Variants in ZBTB7A observed in about 807,000 individuals in gnomAD.
The protein encoded by ZBTB7A is zinc finger and BTB domain-containing protein 7A.
ZBTB7A carries 7 observed loss-of-function variants against 26.7 expected under a neutral mutation model. That is an observed-to-expected ratio of 0.26 (90% CI 0.15 to 0.49). ZBTB7A has a LOEUF of 0.49. ZBTB7A is among the 20% of genes least tolerant of loss of function. The pLI, the probability that ZBTB7A is intolerant of heterozygous loss-of-function variation, is 0.98. For missense variants in ZBTB7A, 617 were observed against 919.5 expected (o/e 0.67, Z 4.25); for synonymous variants, 452 against 441.0 (o/e 1.02, Z -0.31).
intron 1 of ZBTB7A, among the ~76,000 whole-genome samples, chr19:4,058,547 C>A (rs959748371): frequency 6.6e-6 from 1 of 152,186 alleles, no homozygotes; most frequent in African/African-American, 2.4e-5. Context: ...GAGCCCCTGG[C>A]GGCCCCGAGT....
At chr19:4,055,553 T>G (rs1405637992) in intron 1 of ZBTB7A, 2 of 876,972 alleles carry the variant, frequency 2.3e-6, no homozygotes, top group Non-Finnish European at 2.7e-6. Flanking sequence ...CCTGGCGCGG[T>G]GGCTCACGCC....
In ZBTB7A at chr19:4,043,733, C is replaced by A. The variant is rs1176837868; in HGVS notation, c.*4019G>T. Among the ~76,000 whole-genome samples the A allele has an allele frequency of 4.2e-5, 5 of 118,096 alleles. No homozygotes were observed. The highest frequency in any genetic ancestry group is 6.9e-5 in the Non-Finnish European group (4 of 57,824). The allele number at this position is 118,096 out of a possible 152,430, so 77.5% of individuals were successfully genotyped here. A position where few individuals can be genotyped will look rare whatever the true frequency, so the allele number is the denominator to read the frequency against. On this transcript the variant is annotated 3_prime_UTR_variant, in exon 3 of 3. Transcript: ENST00000322357. ...CCCCTGGGCCCGGCCCCCCCCCCCCCCCCCCGTAAATCTATGTATTTAATG... is the reference window on the plus strand; with the variant it reads ...CCCCTGGGCCCGGCCCCCCCCCCCCACCCCCGTAAATCTATGTATTTAATG...
In ZBTB7A at chr19:4,047,705, C is replaced by T. The variant is rs767315685; in HGVS notation, c.*47G>A. The T allele has an allele frequency of 9.1e-6, 14 of 1,538,468 alleles. No individual in the cohort carries two copies. Among genetic ancestry groups the T allele is most frequent in the Admixed American group, 4.3e-5 (2 of 46,416 alleles). ...GGGTGGTGGGTGATTTTTTTTCTCT[C>T]TCTCTGTCTCTCTCTTTCTCGGGTT... is the stretch of plus-strand genomic sequence containing the variant. On this transcript the variant is annotated 3_prime_UTR_variant, in exon 3 of 3. Transcript: ENST00000322357.
intron 1 of ZBTB7A, among the ~76,000 whole-genome samples, chr19:4,063,625 C>T (rs1431468059): frequency 6.6e-6 from 1 of 152,186 alleles, no homozygotes. Context: ...CTCGGTGACA[C>T]TCCATTTGCA....
At position 4,043,844 on chromosome 19, in the gene ZBTB7A, AC is replaced by A. The variant is rs1260802263; in HGVS notation, c.*3907del. Among the ~76,000 whole-genome samples, 29,149 of 48,058 alleles carry A rather than the reference AC, an allele frequency of 0.61. 7,941 individuals are homozygous for A. The highest frequency in any genetic ancestry group is 0.74 in the Middle Eastern group (53 of 72). 31.5% of individuals were successfully genotyped at this position (48,058 alleles called of 152,430 possible). ...ACCCGTCCTGCGCCAGCCACCCACC[AC>A]CCCCCCCCCCCCACCTCCAGGAAGG... On this transcript the variant is annotated 3_prime_UTR_variant, in exon 3 of 3. Transcript: ENST00000322357.
At chr19:4,049,166 GTGTATATATATATATATATATATATA>G (rs1165784631) in intron 2 of ZBTB7A, among the ~76,000 whole-genome samples, 2 of 13,476 alleles carry the variant, frequency 1.5e-4, no homozygotes, top group African/African-American at 2.1e-4. Context: ...GTGTGTGTGT[GTGTATATATATATATATATATATATA>G]TATATATATA....
chr19:4,049,638 T>G (rs1224943055), intron 2 of ZBTB7A, among the ~76,000 whole-genome samples: 1 of 152,042 alleles, frequency 6.6e-6, no homozygotes, highest in Non-Finnish European at 1.5e-5. Context: ...AACCCCTCTG[T>G]CCGGGACAAA....
rs1451105348 is a variant in ZBTB7A at position 4,046,874 on chromosome 19, G to A, written c.*878C>T. 2 of 150,432 alleles carry A rather than the reference G, an allele frequency of 1.3e-5. No individual in the cohort carries two copies. Among genetic ancestry groups the A allele is most frequent in the African/African-American group, 4.9e-5 (2 of 40,918 alleles). The allele number at this position is 150,432 out of a possible 1,614,324, so 9.3% of individuals were successfully genotyped here. ...TTTGGGAGAGGGGGCTCGGGGGAGAGGACGAAGACAGAAGTTTTGAATCTC... is the reference window on the plus strand; with the variant it reads ...TTTGGGAGAGGGGGCTCGGGGGAGAAGACGAAGACAGAAGTTTTGAATCTC... On this transcript the variant is annotated 3_prime_UTR_variant, in exon 3 of 3. Coordinates refer to ENST00000322357, the MANE Select transcript of ZBTB7A (RefSeq NM_015898.4).
rs769037143 is a variant in ZBTB7A, at chr19:4,055,032, G to C, written c.201C>G (p.Ala67=). The change falls in exon 2 of 3, where the codon GCC becomes GCG. Residue 67 remains alanine (A), a synonymous_variant. Coordinates refer to ENST00000322357, the MANE Select transcript of ZBTB7A (RefSeq NM_015898.4). ...QYFKKLFTSG[A]VVDQQNVYEI... The stretch of plus-strand genomic sequence containing the variant: ...CGTACACGTTCTGCTGGTCCACCAC[G>C]GCGCCCGACGTGAACAGCTTCTTGA... The C allele has an allele frequency of 7.5e-6, 12 of 1,610,554 alleles. No homozygotes were observed. The highest frequency in any genetic ancestry group is 9.3e-6 in the Non-Finnish European group (11 of 1,178,772).
intron 2 of ZBTB7A, 73 bp downstream of exon 2, chr19:4,053,898 G>A: frequency 6.7e-7 from 1 of 1,484,522 alleles, no homozygotes; most frequent in East Asian, 2.4e-5. Context: ...AGGGAGAGAG[G>A]CGGGAGGGGT....
At position 4,045,839 on chromosome 19, in the gene ZBTB7A, G is replaced by C; in HGVS notation, c.*1913C>G. 1 of 398,842 alleles carries C rather than the reference G, an allele frequency of 2.5e-6. No individual in the cohort carries two copies. The highest frequency in any genetic ancestry group is 4.4e-6 in the Non-Finnish European group (1 of 226,096). 24.7% of individuals were successfully genotyped at this position (398,842 alleles called of 1,614,324 possible). On this transcript the variant is annotated 3_prime_UTR_variant, in exon 3 of 3. Transcript: ENST00000322357. The surrounding 1 kb of genome is among the most constrained non-coding windows in gnomAD (Gnocchi z 4.1). ...CCTTGTGGGAGCCAGAGGTTGGGGG[G>C]AGGCAGGTCCCAGTCCCCCTGGATT...
chr19:4,044,363 A>C lies in ZBTB7A; in HGVS notation c.*3389T>G, dbSNP rs1403789195. ...CACTGGTTTATAATTTTTTTTTTTCATTTTTAAAAACTTTTTTGACTTTTT... is the reference window on the plus strand; with the variant it reads ...CACTGGTTTATAATTTTTTTTTTTCCTTTTTAAAAACTTTTTTGACTTTTT... On this transcript the variant is annotated 3_prime_UTR_variant, in exon 3 of 3. Coordinates refer to ENST00000322357, the MANE Select transcript of ZBTB7A (RefSeq NM_015898.4). 1 of 140,058 alleles carries C rather than the reference A, an allele frequency of 7.1e-6. No individual in the cohort carries two copies. The highest frequency in any genetic ancestry group is 1.5e-5 in the Non-Finnish European group (1 of 65,648). 8.7% of individuals were successfully genotyped at this position (140,058 alleles called of 1,614,324 possible). A position where few individuals can be genotyped will look rare whatever the true frequency, so the allele number is the denominator to read the frequency against.
Position 4,066,845 on chromosome 19 carries a change from G to C in ZBTB7A, c.-179C>G, listed in dbSNP as rs1319291955. 6.6e-6 allele frequency: 1 copy of C among 151,870 alleles called. No individual in the cohort carries two copies. The highest frequency in any genetic ancestry group is 1.5e-5 in the Non-Finnish European group (1 of 68,210). 9.4% of individuals were successfully genotyped at this position (151,870 alleles called of 1,614,324 possible). On this transcript the variant is annotated 5_prime_UTR_variant, in exon 1 of 3. Transcript: ENST00000322357. ...CGGCGTCACTGCCCCTACAGTAACT[G>C]TACAGTACAGCCAAAGCCCCGTATG... is the stretch of plus-strand genomic sequence containing the variant.
At position 4,054,752 on chromosome 19, in the gene ZBTB7A, G is replaced by C; in HGVS notation, c.481C>G (p.Leu161Val). 6.4e-7 allele frequency: 1 copy of C among 1,570,060 alleles called. No individual in the cohort carries two copies. Among genetic ancestry groups the C allele is most frequent in the Non-Finnish European group, 8.6e-7 (1 of 1,157,168 alleles). Residue 161 changes from leucine to valine, a missense_variant, in exon 2 of 3, where the codon CTC (leucine) becomes GTC (valine). This residue lies in a region of ZBTB7A where 331 missense variants were observed against 391.3 expected (regional missense o/e 0.85). Transcript: ENST00000322357. Reference sequence around the variant, plus strand: ...ATGGGGTTGCTCTGGAAGAACTCGAGGTACTCCTTGGCGCGGAGGAGGTTG... The same window carrying C: ...ATGGGGTTGCTCTGGAAGAACTCGACGTACTCCTTGGCGCGGAGGAGGTTG... ...QRNLLRAKEY[L>V]EFFQSNPMNS...
intron 1 of ZBTB7A, among the ~76,000 whole-genome samples, chr19:4,064,109 G>T (rs1249962811): frequency 6.6e-6 from 1 of 152,228 alleles, no homozygotes; most frequent in Non-Finnish European, 1.5e-5. Flanking sequence ...TCAGTCTCCC[G>T]CACAGAGCAA....
At chr19:4,066,320 G>GC (rs1180561995) in intron 1 of ZBTB7A, among the ~76,000 whole-genome samples, 3 of 148,414 alleles carry the variant, frequency 2.0e-5, no homozygotes, top group Non-Finnish European at 3.0e-5. Context: ...CAGGCGACGC[G>GC]CCCCCCTATC....
Position 4,054,801 on chromosome 19 carries a change from G to A in ZBTB7A, c.432C>T (p.Asp144=). ...ADAGADAGQL[D]LVDQIDQRNL... Reference sequence around the variant, plus strand: ...TGCGCTGATCAATTTGATCTACAAGGTCCAGCTGCCCGGCGTCGGCGCCCG... The same window carrying A: ...TGCGCTGATCAATTTGATCTACAAGATCCAGCTGCCCGGCGTCGGCGCCCG... The change falls in exon 2 of 3, where the codon GAC becomes GAT. Residue 144 remains aspartate (D), a synonymous_variant. Coordinates refer to ENST00000322357, the MANE Select transcript of ZBTB7A (RefSeq NM_015898.4). 1 of 1,590,416 alleles carries A rather than the reference G, an allele frequency of 6.3e-7. No individual in the cohort carries two copies. The highest frequency in any genetic ancestry group is 2.3e-5 in the East Asian group (1 of 43,504).
intron 1 of ZBTB7A, among the ~76,000 whole-genome samples, chr19:4,064,331 C>T (rs1015530046): frequency 3.9e-5 from 6 of 152,248 alleles, no homozygotes; most frequent in Admixed American, 1.3e-4. Flanking sequence ...TCCTGCCCCC[C>T]CTTCTCCCCC....
In ZBTB7A at chr19:4,052,694, G is replaced by A. The variant is rs1055194785; in HGVS notation, c.1262+1277C>T. The stretch of plus-strand genomic sequence containing the variant: ...TGCCTGCCAGCCCCCTGCCCCCACC[G>A]CTACAGCCCGCCCCGGATCTACGAG... On this transcript the variant is annotated intron_variant, in intron 2 of 2. Transcript: ENST00000322357. The surrounding 1 kb of genome is among the most constrained non-coding windows in gnomAD (Gnocchi z 4.9). Among the ~76,000 whole-genome samples, 4 of 151,238 alleles carry A rather than the reference G, an allele frequency of 2.6e-5. No individual in the cohort carries two copies. Among genetic ancestry groups the A allele is most frequent in the African/African-American group, 4.9e-5 (2 of 41,222 alleles).
Sources: allele counts gnomAD v4.1 joint callset (sites outside exome capture counted in the v4.1 genomes callset), GRCh38; gene constraint gnomAD v4.1.1; regional missense constraint gnomAD v4.1.1; non-coding constraint Gnocchi (gnomAD v3.1); transcripts MANE v1.5; gene names NCBI Gene and HGNC (gene_info 2026-07-23, HGNC 2026-07-21).